Variants in CNNM2 observed in about 807,000 individuals in gnomAD.
The protein encoded by CNNM2 is cyclin and CBS domain divalent metal cation transport mediator 2, also known as metal transporter CNNM2.
In CNNM2, 12 loss-of-function variants were observed where a neutral mutation model predicts 66.9. The ratio of observed to expected loss-of-function variants is 0.18; its 90% CI spans 0.11 to 0.29. The LOEUF (loss-of-function observed/expected upper bound fraction) is 0.29. Ranked by LOEUF, CNNM2 falls within the 10% of genes least tolerant of loss-of-function variation. The pLI is 1.00. For synonymous variants in CNNM2, 557 were observed against 501.8 expected (o/e 1.11, Z -1.47); for missense variants, 705 against 1,167.7 (o/e 0.60, Z 5.77).
chr10:103,054,833 C>T lies in CNNM2; in HGVS notation c.1903+367C>T, dbSNP rs1021064206. 6.6e-6 allele frequency among the ~76,000 whole-genome samples: 1 copy of T among 152,182 alleles called. No individual in the cohort carries two copies. The highest frequency in any genetic ancestry group is 1.5e-5 in the Non-Finnish European group (1 of 68,032). ...AGCTGGCGGAGCAGGCTGATGGTGC[C>T]AGCCTGGCACCAGCTTGTTTGATGG... On this transcript the variant is annotated intron_variant, in intron 3 of 7. Transcript: ENST00000369878. This position sits in a 1 kb window ranked among gnomAD's most constrained non-coding sequence, Gnocchi z 5.2.
chr10:102,932,038 T>C (rs927404435), intron 1 of CNNM2, among the ~76,000 whole-genome samples: 1 of 152,126 alleles, frequency 6.6e-6, no homozygotes, highest in Admixed American at 6.6e-5. Context: ...TGTCTTTTTA[T>C]TGTTGAGTTG....
At chr10:103,015,110 C>G (rs1215138913) in intron 1 of CNNM2, among the ~76,000 whole-genome samples, 2 of 152,150 alleles carry the variant, frequency 1.3e-5, no homozygotes, top group Non-Finnish European at 2.9e-5. Context: ...GATGATTACA[C>G]TTGCTTAAAT....
At chr10:103,064,684 A>G (rs2065445787) in intron 4 of CNNM2, among the ~76,000 whole-genome samples, 1 of 152,170 alleles carries the variant, frequency 6.6e-6, no homozygotes, top group African/African-American at 2.4e-5. Context: ...ATAAAAAAAT[A>G]GAAAAATTAG....
intron 1 of CNNM2, among the ~76,000 whole-genome samples, chr10:102,945,662 C>T (rs1463410998): frequency 6.6e-6 from 1 of 152,042 alleles, no homozygotes; most frequent in African/African-American, 2.4e-5. Context: ...TTCCATTCTC[C>T]CTTCCCTTGT....
chr10:102,957,100 G>C (rs989746218), intron 1 of CNNM2, among the ~76,000 whole-genome samples: 1 of 152,072 alleles, frequency 6.6e-6, no homozygotes, highest in South Asian at 2.1e-4. Flanking sequence ...TCAGGAGTTC[G>C]AAACCAGCCT....
At chr10:102,948,272 T>C (rs917919868) in intron 1 of CNNM2, among the ~76,000 whole-genome samples, 1 of 152,116 alleles carries the variant, frequency 6.6e-6, no homozygotes, top group Non-Finnish European at 1.5e-5. Flanking sequence ...CTGCATGTGC[T>C]GTGGGGGAGA....
At position 103,054,598 on chromosome 10, in the gene CNNM2, T is replaced by A; in HGVS notation, c.1903+132T>A. On this transcript the variant is annotated intron_variant, in intron 3 of 7. Coordinates refer to ENST00000369878, the MANE Select transcript of CNNM2 (RefSeq NM_017649.5). The surrounding 1 kb of genome is among the most constrained non-coding windows in gnomAD (Gnocchi z 5.2). ...TAAGTAATGCCACTTTTGTGTTTTG[T>A]TTTTTTTGTTTTTTTGTTTTGTTTT... is the stretch of plus-strand genomic sequence containing the variant. 1 of 758,184 alleles carries A rather than the reference T, an allele frequency of 1.3e-6. No homozygotes were observed. The highest frequency in any genetic ancestry group is 1.9e-6 in the Non-Finnish European group (1 of 523,862). 47.0% of individuals were successfully genotyped at this position (758,184 alleles called of 1,614,324 possible). A position where few individuals can be genotyped will look rare whatever the true frequency, so the allele number is the denominator to read the frequency against.
Position 102,918,957 on chromosome 10 carries a change from C to T in CNNM2, c.477C>T (p.Ile159=), listed in dbSNP as rs1220858244. 1.2e-6 allele frequency: 2 copies of T among 1,612,442 alleles called. No individual in the cohort carries two copies. The highest frequency in any genetic ancestry group is 2.2e-5 in the East Asian group (1 of 44,860). ...GCATCCGCACCTCAGACATCATCAT[C>T]TTGCCCCACATCATTCTCAACCGCC... ...RCGIRTSDII[I]LPHIILNRRT... The change falls in exon 1 of 8, where the codon ATC becomes ATT. Residue 159 remains isoleucine (I), a synonymous_variant. Transcript: ENST00000369878. The surrounding 1 kb of genome is among the most constrained non-coding windows in gnomAD (Gnocchi z 4.1).
chr10:103,013,054 G>A (rs1590394800), intron 1 of CNNM2, among the ~76,000 whole-genome samples: 1 of 152,206 alleles, frequency 6.6e-6, no homozygotes, highest in South Asian at 2.1e-4. Flanking sequence ...AGGTAACATA[G>A]CAAAATAAGC....
intron 2 of CNNM2, among the ~76,000 whole-genome samples, chr10:103,050,087 A>G (rs1590461676): frequency 6.6e-6 from 1 of 152,234 alleles, no homozygotes; most frequent in African/African-American, 2.4e-5. Context: ...TGATGAGGGC[A>G]TTACTTGCCC....
chr10:103,008,655 T>C (rs546165150), intron 1 of CNNM2, among the ~76,000 whole-genome samples: 1 of 152,052 alleles, frequency 6.6e-6, no homozygotes, highest in East Asian at 1.9e-4. Flanking sequence ...GGCACATGCC[T>C]GTAGTCCTAG....
chr10:103,055,017 T>C (rs1209581060), intron 3 of CNNM2, among the ~76,000 whole-genome samples: 1 of 152,240 alleles, frequency 6.6e-6, no homozygotes, highest in African/African-American at 2.4e-5. Flanking sequence ...AACTTTGATA[T>C]GGATTTCTTG....
In CNNM2 at chr10:103,077,164, A is replaced by C. The variant is rs1381975431; in HGVS notation, c.2612A>C (p.Asn871Thr). 6.2e-7 allele frequency: 1 copy of C among 1,613,130 alleles called. No homozygotes were observed. Among genetic ancestry groups the C allele is most frequent in the East Asian group, 2.2e-5 (1 of 44,882 alleles). ...THSKANHSLH[N>T]EGAI is the part of the protein sequence containing the mutation. ...AGTAAGGCCAACCACAGCCTGCACA[A>C]CGAAGGCGCCATCTAGGCCGCGCTG... The change falls in exon 8 of 8, where the codon AAC (asparagine) becomes ACC (threonine). Residue 871 changes from asparagine to threonine, a missense_variant. Physicochemically the swap from Asn to Thr is moderately conservative, Grantham distance 65 (BLOSUM62 0). Transcript: ENST00000369878.
At chr10:102,978,013 G>C (rs1402632464) in intron 1 of CNNM2, among the ~76,000 whole-genome samples, 1 of 151,766 alleles carries the variant, frequency 6.6e-6, no homozygotes, top group African/African-American at 2.4e-5. Flanking sequence ...GGGTTCAAGC[G>C]ATTCTCCTGC....
intron 1 of CNNM2, among the ~76,000 whole-genome samples, chr10:102,966,414 A>C (rs1471482569): frequency 6.6e-6 from 1 of 152,096 alleles, no homozygotes; most frequent in Non-Finnish European, 1.5e-5. Flanking sequence ...CAGACATCTG[A>C]GGTCAGGAGT....
At chr10:102,973,369 C>T (rs935427188) in intron 1 of CNNM2, among the ~76,000 whole-genome samples, 10 of 152,230 alleles carry the variant, frequency 6.6e-5, no homozygotes, top group Middle Eastern at 3.4e-3. Context: ...CTCAGCCTCC[C>T]AGGCTCAAGT....
intron 1 of CNNM2, among the ~76,000 whole-genome samples, chr10:102,989,750 T>G (rs1432424495): frequency 6.6e-6 from 1 of 151,782 alleles, no homozygotes; most frequent in African/African-American, 2.4e-5. Context: ...TGCAGTGAGC[T>G]GAGATGGCAC....
intron 5 of CNNM2, among the ~76,000 whole-genome samples, chr10:103,071,148 G>A (rs2065573454): frequency 6.6e-6 from 1 of 152,214 alleles, no homozygotes. Flanking sequence ...CCCCAGAGGT[G>A]TGATTCCTGC....
At chr10:102,934,207 G>C (rs897946311) in intron 1 of CNNM2, among the ~76,000 whole-genome samples, 3 of 151,390 alleles carry the variant, frequency 2.0e-5, no homozygotes, top group African/African-American at 7.3e-5. Context: ...TAAAATGTCA[G>C]TCAAGACAAA....
Sources: allele counts gnomAD v4.1 joint callset (sites outside exome capture counted in the v4.1 genomes callset), GRCh38; gene constraint gnomAD v4.1.1; non-coding constraint Gnocchi (gnomAD v3.1); transcripts MANE v1.5; gene names NCBI Gene and HGNC (gene_info 2026-07-23, HGNC 2026-07-21).